Variants in SSMEM1 observed in about 807,000 individuals in gnomAD.
SSMEM1 encodes serine rich single-pass membrane protein 1, also known as serine-rich single-pass membrane protein 1.
Under a neutral mutation model 9.9 loss-of-function variants are expected in SSMEM1, and 12 were observed. The ratio of observed to expected loss-of-function variants is 1.21; its 90% CI spans 0.78 to 1.96. SSMEM1 has a LOEUF of 1.96. SSMEM1 is among the 30% of genes most tolerant of loss of function. The pLI, the probability that SSMEM1 is intolerant of heterozygous loss-of-function variation, is 0.00. For synonymous variants in SSMEM1, 96 were observed against 98.9 expected (o/e 0.97, Z 0.17); for missense variants, 259 against 292.2 (o/e 0.89, Z 0.83).
chr7:130,207,807 A>T, upstream of SSMEM1: 1 of 1,241,204 alleles, frequency 8.1e-7, no homozygotes, highest in Non-Finnish European at 1.2e-6. Context: ...TATGTGTCAT[A>T]ATAGGTTGCC....
Position 130,216,383 on chromosome 7 carries a change from G to A in SSMEM1, c.648G>A (p.Gln216=). ...TNEWLAHHSR[Q]KPSVTPPMKR... ...AATGGTTGGCGCACCATTCCCGACA[G>A]AAGCCTTCAGTAACACCGCCAATGA... Residue 216 remains glutamine, a synonymous_variant, in exon 3 of 3, where the codon CAG becomes CAA. Coordinates refer to ENST00000297819, the MANE Select transcript of SSMEM1 (RefSeq NM_145268.4). 6.2e-7 allele frequency: 1 copy of A among 1,614,198 alleles called. No individual in the cohort carries two copies. Among genetic ancestry groups the A allele is most frequent in the African/African-American group, 1.3e-5 (1 of 75,054 alleles).
At chr7:130,206,045 A>C (rs913239295), upstream of SSMEM1, among the ~76,000 whole-genome samples, 10 of 152,204 alleles carry the variant, frequency 6.6e-5, no homozygotes, top group Non-Finnish European at 7.3e-5. Flanking sequence ...AGCACACCCA[A>C]AATTTGTTTT....
chr7:130,216,663 A>T lies in SSMEM1; in HGVS notation c.*193A>T, dbSNP rs970019024. The T allele has an allele frequency of 2.3e-5, 15 of 644,204 alleles. No homozygotes were observed. The highest frequency in any genetic ancestry group is 3.4e-5 in the Non-Finnish European group (13 of 386,372). 39.9% of individuals were successfully genotyped at this position (644,204 alleles called of 1,614,324 possible). ...AAAAAAAAAAGGCCATCACGTGTTT[A>T]TGGCACCATTGGAACACCAAAGATC... On this transcript the variant is annotated 3_prime_UTR_variant, in exon 3 of 3. Coordinates refer to ENST00000297819, the MANE Select transcript of SSMEM1 (RefSeq NM_145268.4).
At chr7:130,210,674 C>T (rs2633382) in intron 1 of SSMEM1, among the ~76,000 whole-genome samples, 1 of 151,894 alleles carries the variant, frequency 6.6e-6, no homozygotes, top group Non-Finnish European at 1.5e-5. Context: ...AAGAGAGCCA[C>T]GGCCCACATT....
In SSMEM1 at chr7:130,216,494, T is replaced by C. The variant is rs564590461; in HGVS notation, c.*24T>C. ...GAATTTTATCACGTTCTTCCTTCAC[T>C]TGAAGCCAAATGAAAGAGATGAATA... On this transcript the variant is annotated 3_prime_UTR_variant, in exon 3 of 3. Transcript: ENST00000297819. 16 of 1,600,684 alleles carry C rather than the reference T, an allele frequency of 1.0e-5. No individual in the cohort carries two copies. In the South Asian group the frequency reaches 1.6e-4, roughly 16 times the overall value.
Position 130,216,211 on chromosome 7 carries a change from C to G in SSMEM1, c.476C>G (p.Ala159Gly). The G allele has an allele frequency of 6.2e-7, 1 of 1,614,142 alleles. No homozygotes were observed. Among genetic ancestry groups the G allele is most frequent in the South Asian group, 1.1e-5 (1 of 91,080 alleles). ...GGCAGTGAAGAGTCTAACTCAGAAG[C>G]CTCCTCGTGGAAGGAGAGTGAAAGT... ...EYGSEESNSE[A>G]SSWKESESEH... The change falls in exon 3 of 3, where the codon GCC (alanine) becomes GGC (glycine). Residue 159 changes from alanine to glycine, a missense_variant. Transcript: ENST00000297819.
In SSMEM1 at chr7:130,213,434, A is replaced by G. The variant is rs368075548; in HGVS notation, c.184-46A>G. ...TGTTTTATAACAAGTACATATTATCAAAAAACAACTGAGATCACTCTTACT... is the reference window on the plus strand; with the variant it reads ...TGTTTTATAACAAGTACATATTATCGAAAAACAACTGAGATCACTCTTACT... On this transcript the variant is annotated intron_variant, in intron 1 of 2. Transcript: ENST00000297819. 4.4e-5 allele frequency: 68 copies of G among 1,561,444 alleles called. 1 individual carries two copies. In the African/African-American group the frequency reaches 7.9e-4, roughly 18 times the overall value.
Position 130,216,182 on chromosome 7 carries a change from G to A in SSMEM1, c.447G>A (p.Glu149=). 1 of 1,614,216 alleles carries A rather than the reference G, an allele frequency of 6.2e-7. No individual in the cohort carries two copies. Among genetic ancestry groups the A allele is most frequent in the Non-Finnish European group, 8.5e-7 (1 of 1,180,046 alleles). Residue 149 remains glutamate, a synonymous_variant, in exon 3 of 3, where the codon GAG becomes GAA. Transcript: ENST00000297819. The part of the protein sequence containing the change: ...NQNQHDSDTT[E]YGSEESNSEA... ...ACCAACATGACAGTGATACTACGGA[G>A]TATGGCAGTGAAGAGTCTAACTCAG...
At chr7:130,206,861 C>G (rs1344841384), upstream of SSMEM1, 1 of 197,570 alleles carries the variant, frequency 5.1e-6, no homozygotes. Flanking sequence ...TGGCATGCGC[C>G]TGTAATCCCA....
At chr7:130,209,824 C>A (rs771501352) in intron 1 of SSMEM1, among the ~76,000 whole-genome samples, 1 of 152,156 alleles carries the variant, frequency 6.6e-6, no homozygotes, top group Non-Finnish European at 1.5e-5. Context: ...GTGATCCACC[C>A]GCCTCGGCCT....
At chr7:130,206,546 C>A (rs1287667737), upstream of SSMEM1, among the ~76,000 whole-genome samples, 1 of 152,196 alleles carries the variant, frequency 6.6e-6, no homozygotes, top group Non-Finnish European at 1.5e-5. Flanking sequence ...TAATGAAAAT[C>A]GGCAGGTATG....
At chr7:130,209,988 G>A (rs890975952) in intron 1 of SSMEM1, among the ~76,000 whole-genome samples, 2 of 152,132 alleles carry the variant, frequency 1.3e-5, no homozygotes, top group African/African-American at 4.8e-5. Flanking sequence ...CTGTTTGTAG[G>A]CAAGTAAGTT....
upstream of SSMEM1, among the ~76,000 whole-genome samples, chr7:130,206,374 C>T (rs1458965773): frequency 6.6e-6 from 1 of 152,170 alleles, no homozygotes. Context: ...CGTTAGAGTC[C>T]ACAGCCAGAA....
At chr7:130,214,464 T>TATATATACAATATAAATATTGTATA (rs1798665556) in intron 2 of SSMEM1, among the ~76,000 whole-genome samples, 1 of 152,000 alleles carries the variant, frequency 6.6e-6, no homozygotes, top group African/African-American at 2.4e-5. Context: ...TATCACACCA[T>TATATATACAATATAAATATTGTATA]TTAAAATAAT....
rs1798717994 is a variant in SSMEM1, at chr7:130,216,702, A to AT, written c.*239dup. The AT allele has an allele frequency of 7.6e-6, 4 of 526,624 alleles. No individual in the cohort carries two copies. Among genetic ancestry groups the AT allele is most frequent in the African/African-American group, 1.9e-5 (1 of 52,680 alleles). The allele number at this position is 526,624 out of a possible 1,614,324, so 32.6% of individuals were successfully genotyped here. The stretch of plus-strand genomic sequence containing the variant: ...ACACCAAAGATCTATATCTGCTATG[A>AT]TTTTTTTATTTGAAATAGCACAAGA... On this transcript the variant is annotated 3_prime_UTR_variant, in exon 3 of 3. Coordinates refer to ENST00000297819, the MANE Select transcript of SSMEM1 (RefSeq NM_145268.4).
At chr7:130,207,850 A>G (rs1210640414), upstream of SSMEM1, 1 of 1,550,972 alleles carries the variant, frequency 6.4e-7, no homozygotes, top group Non-Finnish European at 8.9e-7. Flanking sequence ...GAGGGAGTGA[A>G]GTAGTTCCCA....
At chr7:130,211,327 T>A (rs1039621978) in intron 1 of SSMEM1, among the ~76,000 whole-genome samples, 28 of 151,906 alleles carry the variant, frequency 1.8e-4, no homozygotes, top group African/African-American at 6.8e-4. Context: ...CCGGCTAATT[T>A]TTTTTGTATT....
At chr7:130,212,398 A>G (rs1338612909) in intron 1 of SSMEM1, among the ~76,000 whole-genome samples, 1 of 152,190 alleles carries the variant, frequency 6.6e-6, no homozygotes, top group Non-Finnish European at 1.5e-5. Context: ...AAGAACTATC[A>G]GTAATGTACC....
At chr7:130,215,268 C>T (rs535356522) in intron 2 of SSMEM1, among the ~76,000 whole-genome samples, 2 of 152,202 alleles carry the variant, frequency 1.3e-5, no homozygotes, top group South Asian at 2.1e-4. Flanking sequence ...CGTGCCACTG[C>T]ACTCTAGCCT....
Sources: gnomAD v4.1 joint callset for allele counts (sites outside exome capture counted in the v4.1 genomes callset) on GRCh38, gnomAD v4.1.1 for gene constraint, MANE v1.5 for transcripts, NCBI Gene and HGNC (gene_info 2026-07-23, HGNC 2026-07-21) for gene names.